Variants in DMRT3 observed in about 807,000 individuals in gnomAD.
DMRT3 encodes doublesex and mab-3 related transcription factor 3.
DMRT3 carries 29 observed loss-of-function variants against 34.9 expected under a neutral mutation model. The ratio of observed to expected loss-of-function variants is 0.83; its 90% CI spans 0.62 to 1.13. The LOEUF is 1.13. Ranked by LOEUF, DMRT3 falls within the 50% of genes most tolerant of loss-of-function variation. The pLI is 0.00. For missense variants in DMRT3, 772 were observed against 629.1 expected (o/e 1.23, Z -2.43); for synonymous variants, 350 against 286.0 (o/e 1.22, Z -2.26).
rs954565880 is a variant in DMRT3 at position 991,573 on chromosome 9, C to G, written c.*568C>G. ...GAGACAAACCCCATTAAGAATTACT[C>G]TTTTCACATGGCTGAATCGAAACAT... On this transcript the variant is annotated 3_prime_UTR_variant, in exon 2 of 2. Transcript: ENST00000190165. 3 of 152,950 alleles carry G rather than the reference C, an allele frequency of 2.0e-5. No homozygotes were observed. Among genetic ancestry groups the G allele is most frequent in the South Asian group, 4.1e-4 (2 of 4,840 alleles). 9.5% of individuals were successfully genotyped at this position (152,950 alleles called of 1,614,324 possible). A position where few individuals can be genotyped will look rare whatever the true frequency, so the allele number is the denominator to read the frequency against.
chr9:977,295 G>T lies in DMRT3; in HGVS notation c.294G>T (p.Pro98=). The change falls in exon 1 of 2, where the codon CCG becomes CCT. Residue 98 remains proline (P), a synonymous_variant. Transcript: ENST00000190165. ...CGCTGCGCGCTCTGCCAGGGCCCCCGCCGCCGGGGGACGCCGTCGCCGCCC... is the reference window on the plus strand; with the variant it reads ...CGCTGCGCGCTCTGCCAGGGCCCCCTCCGCCGGGGGACGCCGTCGCCGCCC... ...PDSLRALPGP[P]PPGDAVAAPQ... 7.2e-7 allele frequency: 1 copy of T among 1,395,696 alleles called. No individual in the cohort carries two copies. Among genetic ancestry groups the T allele is most frequent in the Non-Finnish European group, 9.3e-7 (1 of 1,069,704 alleles). The allele number at this position is 1,395,696 out of a possible 1,614,324, so 86.5% of individuals were successfully genotyped here.
intron 1 of DMRT3, chr9:989,825 AG>A (rs761546702): frequency 5.5e-6 from 3 of 548,082 alleles, no homozygotes; most frequent in Non-Finnish European, 9.3e-6. Flanking sequence ...AAAGCATTCC[AG>A]GAAGCCACTC....
Position 976,893 on chromosome 9 carries a change from G to A in DMRT3, c.-109G>A. On this transcript the variant is annotated 5_prime_UTR_variant, in exon 1 of 2. Coordinates refer to ENST00000190165, the MANE Select transcript of DMRT3 (RefSeq NM_021240.4). This position sits in a 1 kb window ranked among gnomAD's most constrained non-coding sequence, Gnocchi z 4.5. Reference sequence around the variant, plus strand: ...CGACCACCGGGGCTGCGGGACCAAGGGCCGCGTCGCCCGGAGGCCGCCCCT... The same window carrying A: ...CGACCACCGGGGCTGCGGGACCAAGAGCCGCGTCGCCCGGAGGCCGCCCCT... 1.6e-6 allele frequency: 2 copies of A among 1,229,058 alleles called. No individual in the cohort carries two copies. Among genetic ancestry groups the A allele is most frequent in the South Asian group, 2.1e-5 (1 of 48,086 alleles). The allele number at this position is 1,229,058 out of a possible 1,614,324, so 76.1% of individuals were successfully genotyped here. A position where few individuals can be genotyped will look rare whatever the true frequency, so the allele number is the denominator to read the frequency against.
At chr9:980,334 C>G (rs1377757227) in intron 1 of DMRT3, among the ~76,000 whole-genome samples, 2 of 152,020 alleles carry the variant, frequency 1.3e-5, no homozygotes, top group African/African-American at 4.8e-5. Context: ...TGTTGAATAT[C>G]CCTTTCAATG....
intron 1 of DMRT3, among the ~76,000 whole-genome samples, chr9:981,299 C>T (rs1396013492): frequency 2.0e-5 from 3 of 151,828 alleles, no homozygotes; most frequent in East Asian, 1.9e-4. Context: ...AAGAGAAGCA[C>T]CTGCAAGTGT....
intron 1 of DMRT3, among the ~76,000 whole-genome samples, chr9:988,752 A>C (rs1242896439): frequency 6.6e-6 from 1 of 152,168 alleles, no homozygotes; most frequent in Non-Finnish European, 1.5e-5. Context: ...GCAGCAGAAA[A>C]CACAGGCAAA....
chr9:977,334 A>G lies in DMRT3; in HGVS notation c.333A>G (p.Pro111=), dbSNP rs1339285638. 4.0e-6 allele frequency: 5 copies of G among 1,263,554 alleles called. No homozygotes were observed. The highest frequency in any genetic ancestry group is 1.6e-5 in the African/African-American group (1 of 63,884). 78.3% of individuals were successfully genotyped at this position (1,263,554 alleles called of 1,614,324 possible). Reference sequence around the variant, plus strand: ...CCGTCGCCGCCCCGCAGCCGCCGCCAGCCTCTCAGCCGTCGCAGCCGCAGC... The same window carrying G: ...CCGTCGCCGCCCCGCAGCCGCCGCCGGCCTCTCAGCCGTCGCAGCCGCAGC... ...GDAVAAPQPP[P]ASQPSQPQPP... Residue 111 remains proline, a synonymous_variant, in exon 1 of 2, where the codon CCA becomes CCG. Coordinates refer to ENST00000190165, the MANE Select transcript of DMRT3 (RefSeq NM_021240.4).
chr9:990,852 G>T lies in DMRT3; in HGVS notation c.1266G>T (p.Ser422=), dbSNP rs144093358. ...ACTCTACCAGCGTCTTCAGAAGCTCGCCCGTCCTTCCTGCCCGCGCCACGG... is the reference window on the plus strand; with the variant it reads ...ACTCTACCAGCGTCTTCAGAAGCTCTCCCGTCCTTCCTGCCCGCGCCACGG... ...PSNSTSVFRS[S]PVLPARATED... The change falls in exon 2 of 2, where the codon TCG becomes TCT. Residue 422 remains serine (S), a synonymous_variant. Transcript: ENST00000190165. The T allele has an allele frequency of 3.1e-6, 5 of 1,614,046 alleles. No homozygotes were observed. The highest frequency in any genetic ancestry group is 1.1e-5 in the South Asian group (1 of 91,068).
At position 990,080 on chromosome 9, in the gene DMRT3, A is replaced by G; in HGVS notation, c.494A>G (p.Asp165Gly). ...CGACTTGGAGACGGCAAGTCGGCAG[A>G]CAATACAGAGGTCTTCAGTGACAAA... ...EERLGDGKSADNTEVFSDKDT... is the reference protein window; with the variant it reads ...EERLGDGKSAGNTEVFSDKDT... Residue 165 changes from aspartate to glycine, a missense_variant, in exon 2 of 2, where the codon GAC becomes GGC. By Grantham distance (94) the Asp-to-Gly change is moderately conservative. Transcript: ENST00000190165. The G allele has an allele frequency of 6.2e-7, 1 of 1,613,992 alleles. No homozygotes were observed. The highest frequency in any genetic ancestry group is 8.5e-7 in the Non-Finnish European group (1 of 1,180,020).
chr9:982,524 T>C (rs1033119489), intron 1 of DMRT3, among the ~76,000 whole-genome samples: 10 of 152,236 alleles, frequency 6.6e-5, no homozygotes, highest in Admixed American at 5.9e-4. Context: ...TCGAATCTGA[T>C]AGCAATAACT....
chr9:977,523 C>G, intron 1 of DMRT3, 68 bp downstream of exon 1: 2 of 1,205,812 alleles, frequency 1.7e-6, no homozygotes, highest in East Asian at 3.4e-5. Flanking sequence ...AGCTGCAGCT[C>G]CACTTGGGAG....
At position 990,148 on chromosome 9, in the gene DMRT3, G is replaced by C. The variant is rs1375672979; in HGVS notation, c.562G>C (p.Gly188Arg). The C allele has an allele frequency of 1.2e-6, 2 of 1,614,016 alleles. No individual in the cohort carries two copies. The highest frequency in any genetic ancestry group is 1.7e-6 in the Non-Finnish European group (2 of 1,180,006). The change falls in exon 2 of 2, where the codon GGC (glycine) becomes CGC (arginine). Residue 188 changes from glycine to arginine, a missense_variant. Coordinates refer to ENST00000190165, the MANE Select transcript of DMRT3 (RefSeq NM_021240.4). ...RSSPDVAKSK[G>R]CFTPESPEIV... ...TTCCCCAGATGTGGCAAAGAGTAAG[G>C]GCTGCTTCACCCCTGAGAGCCCTGA...
At position 990,759 on chromosome 9, in the gene DMRT3, G is replaced by A. The variant is rs1820352027; in HGVS notation, c.1173G>A (p.Leu391=). 6.2e-7 allele frequency: 1 copy of A among 1,614,162 alleles called. No individual in the cohort carries two copies. Among genetic ancestry groups the A allele is most frequent in the Non-Finnish European group, 8.5e-7 (1 of 1,180,040 alleles). Residue 391 remains leucine (L), a synonymous_variant, in exon 2 of 2, where the codon CTG becomes CTA. Transcript: ENST00000190165. The part of the protein sequence containing the change: ...SSPFLPNDVT[L]WNTMTLQQQY... ...CCTTTTTGCCCAATGATGTCACCCTGTGGAACACCATGACGCTGCAGCAGC... is the reference window on the plus strand; with the variant it reads ...CCTTTTTGCCCAATGATGTCACCCTATGGAACACCATGACGCTGCAGCAGC...
chr9:984,024 A>C (rs1820253216), intron 1 of DMRT3, among the ~76,000 whole-genome samples: 1 of 151,918 alleles, frequency 6.6e-6, no homozygotes, highest in African/African-American at 2.4e-5. Context: ...ATTTTCAACT[A>C]TTCATTTTTT....
At chr9:985,696 A>G (rs929452182) in intron 1 of DMRT3, among the ~76,000 whole-genome samples, 5 of 152,234 alleles carry the variant, frequency 3.3e-5, no homozygotes, top group African/African-American at 1.2e-4. Flanking sequence ...CCTGCCCTTC[A>G]GAAATTATTG....
chr9:989,832 C>T (rs1331375584), intron 1 of DMRT3: 2 of 568,724 alleles, frequency 3.5e-6, no homozygotes, highest in East Asian at 6.5e-5. Context: ...TCCAGGAAGC[C>T]ACTCTGATTT....
Position 984,839 on chromosome 9 carries a change from A to AT in DMRT3, c.455-5192dup, listed in dbSNP as rs954211815. 3.4e-3 allele frequency among the ~76,000 whole-genome samples: 506 copies of AT among 150,156 alleles called. 2 individuals carry two copies. The highest frequency in any genetic ancestry group is 7.3e-3 in the African/African-American group (301 of 41,006). On this transcript the variant is annotated intron_variant, in intron 1 of 1. Coordinates refer to ENST00000190165, the MANE Select transcript of DMRT3 (RefSeq NM_021240.4). ...TTTCTCAAAGTATTTGAAATAATAC[A>AT]TTTTTTTTTTACTAAATTGCATTTT...
rs772537898 is a variant in DMRT3 at position 977,056 on chromosome 9, C to T, written c.55C>T (p.Pro19Ser). ...LYMGGPVSQPPRAPLQRTPKC... is the reference protein window; with the variant it reads ...LYMGGPVSQPSRAPLQRTPKC... ...CATGGGCGGCCCGGTGTCGCAGCCG[C>T]CACGGGCGCCCCTGCAGCGCACGCC... is the stretch of plus-strand genomic sequence containing the variant. Residue 19 changes from proline to serine, a missense_variant, in exon 1 of 2, where the codon CCA becomes TCA. Physicochemically the swap from Pro to Ser is moderately conservative, Grantham distance 74. Transcript: ENST00000190165. 3.8e-6 allele frequency: 6 copies of T among 1,573,700 alleles called. No individual in the cohort carries two copies. Among genetic ancestry groups the T allele is most frequent in the Non-Finnish European group, 4.3e-6 (5 of 1,161,316 alleles).
At chr9:989,340 C>T (rs1820324006) in intron 1 of DMRT3, among the ~76,000 whole-genome samples, 1 of 152,186 alleles carries the variant, frequency 6.6e-6, no homozygotes, top group African/African-American at 2.4e-5. Context: ...ACTTATCCTG[C>T]CATCCGGAAT....
Sources: allele counts gnomAD v4.1 joint callset (sites outside exome capture counted in the v4.1 genomes callset), GRCh38; gene constraint gnomAD v4.1.1; non-coding constraint Gnocchi (gnomAD v3.1); transcripts MANE v1.5; gene names NCBI Gene and HGNC (gene_info 2026-07-23, HGNC 2026-07-21).